Variants in ZNF608 observed in about 807,000 individuals in gnomAD.
ZNF608 encodes renal carcinoma antigen NY-REN-36.
A neutral mutation model predicts 109.0 loss-of-function variants in ZNF608; 12 were observed. The observed-to-expected ratio is 0.11, with a 90% CI of 0.07 to 0.18. The LOEUF (loss-of-function observed/expected upper bound fraction) is 0.18, where lower values mean the gene tolerates loss of function less well. Among genes scored for constraint, ZNF608 ranks in the 10% least tolerant of loss-of-function variants. The probability of loss-of-function intolerance (pLI) is 1.00; values close to 1 mark genes in which losing one functional copy is unlikely to be tolerated. For synonymous variants in ZNF608, 732 were observed against 717.4 expected (o/e 1.02, Z -0.33); for missense variants, 1,707 against 1,879.3 (o/e 0.91, Z 1.70).
chr5:124,648,780 T>C lies in ZNF608; in HGVS notation c.1604A>G (p.Gln535Arg), dbSNP rs1231448562. Residue 535 changes from glutamine (Q) to arginine (R), a missense_variant, in exon 5 of 10, where the codon CAA (glutamine) becomes CGA (arginine). This residue lies in a region of ZNF608 where 166 missense variants were observed against 204.2 expected (regional missense o/e 0.81). Coordinates refer to ENST00000513986, the MANE Select transcript of ZNF608 (RefSeq NM_020747.3). ...CAAAAAAGTAGTCTCTGGTTTCCCTTGAGGGGTAGTGGGAGTGCTTCTGGA... is the reference window on the plus strand; with the variant it reads ...CAAAAAAGTAGTCTCTGGTTTCCCTCGAGGGGTAGTGGGAGTGCTTCTGGA... Reference protein sequence around the residue: ...TNSRSTPTTPQGKPETTFLDQ... With the variant: ...TNSRSTPTTPRGKPETTFLDQ... 2 of 1,614,098 alleles carry C rather than the reference T, an allele frequency of 1.2e-6. No homozygotes were observed. The highest frequency in any genetic ancestry group is 1.7e-6 in the Non-Finnish European group (2 of 1,180,046).
chr5:124,670,404 G>A (rs550209536), intron 3 of ZNF608, among the ~76,000 whole-genome samples: 33 of 150,524 alleles, frequency 2.2e-4, no homozygotes, highest in African/African-American at 6.9e-4. Context: ...AAATATGAAC[G>A]TCTTGATATG....
chr5:124,692,218 G>A (rs968832432), intron 3 of ZNF608, among the ~76,000 whole-genome samples: 1 of 152,176 alleles, frequency 6.6e-6, no homozygotes, highest in African/African-American at 2.4e-5. Context: ...CAGTGACAAA[G>A]TAGATTTCTC....
At chr5:124,726,662 TAAAA>T (rs142658513) in intron 2 of ZNF608, among the ~76,000 whole-genome samples, 20,038 of 135,518 alleles carry the variant, frequency 0.15, 1,547 homozygotes, top group South Asian at 0.24. Context: ...AAGATTTGTT[TAAAA>T]AAAAAAAAAA....
At chr5:124,667,621 A>C (rs12519049) in intron 3 of ZNF608, among the ~76,000 whole-genome samples, 5,337 of 152,164 alleles carry the variant, frequency 0.035, 164 homozygotes, top group South Asian at 0.12. Flanking sequence ...AACAAATATT[A>C]TAACACTGGG....
rs1039929628 is a variant in ZNF608, at chr5:124,741,424, C to A, written c.906+2660G>T. 2.9e-4 allele frequency among the ~76,000 whole-genome samples: 40 copies of A among 139,470 alleles called. No homozygotes were observed. In the South Asian group the frequency reaches 5.6e-3, roughly 20 times the overall value. The allele number at this position is 139,470 out of a possible 152,430, so 91.5% of individuals were successfully genotyped here. On this transcript the variant is annotated intron_variant, in intron 2 of 9. Transcript: ENST00000513986. ...AAAAAAAAAAAAAAAAAAAAATGCA[C>A]ACACACATACACTCCCCCCTTTGGT...
intron 7 of ZNF608, among the ~76,000 whole-genome samples, chr5:124,641,608 C>T (rs997364744): frequency 3.9e-5 from 6 of 152,122 alleles, no homozygotes; most frequent in African/African-American, 1.2e-4. Context: ...AGAACTACTC[C>T]ACCCAAAGTA....
chr5:124,696,704 GC>G (rs1752862280), intron 3 of ZNF608, among the ~76,000 whole-genome samples: 1 of 152,166 alleles, frequency 6.6e-6, no homozygotes, highest in Admixed American at 6.5e-5. Flanking sequence ...AAACAACCCT[GC>G]TCACCTGCCA....
chr5:124,746,535 A>G lies in ZNF608; in HGVS notation c.-524T>C. On this transcript the variant is annotated 5_prime_UTR_variant, in exon 1 of 10. Coordinates refer to ENST00000513986, the MANE Select transcript of ZNF608 (RefSeq NM_020747.3). Reference sequence around the variant, plus strand: ...TTTTTAAAAAACAGAGAGTTTAGAGAAAAAAGTTTTCCCAACTTCTCATTC... The same window carrying G: ...TTTTTAAAAAACAGAGAGTTTAGAGGAAAAAGTTTTCCCAACTTCTCATTC... The G allele has an allele frequency of 1.0e-6, 1 of 985,412 alleles. No individual in the cohort carries two copies. Among genetic ancestry groups the G allele is most frequent in the Non-Finnish European group, 1.2e-6 (1 of 829,930 alleles). The allele number at this position is 985,412 out of a possible 1,614,324, so 61.0% of individuals were successfully genotyped here.
Position 124,746,487 on chromosome 5 carries a change from TAAC to T in ZNF608, c.-479_-477del, listed in dbSNP as rs1290148578. 1.0e-6 allele frequency: 1 copy of T among 985,286 alleles called. No homozygotes were observed. Among genetic ancestry groups the T allele is most frequent in the African/African-American group, 1.7e-5 (1 of 57,232 alleles). The allele number at this position is 985,286 out of a possible 1,614,324, so 61.0% of individuals were successfully genotyped here. A position where few individuals can be genotyped will look rare whatever the true frequency, so the allele number is the denominator to read the frequency against. Reference sequence around the variant, plus strand: ...AGCACCAAAGGTTTTTTTTTCCTCTTAACAAGCATCGAGAATAATAGTTTTTTA... The same window carrying T: ...AGCACCAAAGGTTTTTTTTTCCTCTTAAGCATCGAGAATAATAGTTTTTTA... On this transcript the variant is annotated 5_prime_UTR_variant, in exon 1 of 10. Coordinates refer to ENST00000513986, the MANE Select transcript of ZNF608 (RefSeq NM_020747.3).
In ZNF608 at chr5:124,688,446, T is replaced by A. The variant is rs372449148; in HGVS notation, c.1162+12568A>T. 3.9e-5 allele frequency among the ~76,000 whole-genome samples: 6 copies of A among 152,298 alleles called. No homozygotes were observed. The East Asian group carries it at 5.8e-4, about 15-fold the overall frequency. ...GAACATTGAGAGCTATACATTTGAC[T>A]TACAACTTCATCCCTTTGTCATCAA... On this transcript the variant is annotated intron_variant, in intron 3 of 9. Coordinates refer to ENST00000513986, the MANE Select transcript of ZNF608 (RefSeq NM_020747.3).
chr5:124,690,416 A>T (rs1205552791), intron 3 of ZNF608, among the ~76,000 whole-genome samples: 1 of 152,224 alleles, frequency 6.6e-6, no homozygotes, highest in African/African-American at 2.4e-5. Flanking sequence ...ATTGTAACAC[A>T]TGTACCACTC....
At chr5:124,652,129 T>G (rs1428864725) in intron 3 of ZNF608, among the ~76,000 whole-genome samples, 1 of 152,196 alleles carries the variant, frequency 6.6e-6, no homozygotes, top group African/African-American at 2.4e-5. Flanking sequence ...TAATCACTGG[T>G]TATCTGGGGC....
At chr5:124,651,576 G>A (rs944444833) in intron 3 of ZNF608, among the ~76,000 whole-genome samples, 6 of 152,194 alleles carry the variant, frequency 3.9e-5, no homozygotes, top group Admixed American at 3.9e-4. Context: ...TTGCTTGAAA[G>A]GAAACATGAA....
intron 2 of ZNF608, among the ~76,000 whole-genome samples, chr5:124,703,192 T>G (rs907163257): frequency 2.0e-5 from 3 of 152,074 alleles, no homozygotes; most frequent in Middle Eastern, 3.4e-3. Context: ...AAATAGAACA[T>G]TATTCTGAAA....
intron 3 of ZNF608, among the ~76,000 whole-genome samples, chr5:124,676,090 A>G (rs940711086): frequency 6.6e-6 from 1 of 152,202 alleles, no homozygotes; most frequent in African/African-American, 2.4e-5. Flanking sequence ...CTGTCTCAGA[A>G]GTCATACTTG....
At chr5:124,674,571 G>A (rs1267891486) in intron 3 of ZNF608, among the ~76,000 whole-genome samples, 1 of 152,180 alleles carries the variant, frequency 6.6e-6, no homozygotes, top group East Asian at 1.9e-4. Context: ...CATTAGGGCT[G>A]AGCCAATGCA....
intron 2 of ZNF608, among the ~76,000 whole-genome samples, chr5:124,741,720 T>C (rs1380296308): frequency 3.3e-5 from 5 of 152,150 alleles, no homozygotes; most frequent in Admixed American, 2.6e-4. Flanking sequence ...CACTAGTTAG[T>C]GGAATTAGAG....
chr5:124,682,893 A>T (rs1277019629), intron 3 of ZNF608, among the ~76,000 whole-genome samples: 2 of 152,052 alleles, frequency 1.3e-5, no homozygotes, highest in Non-Finnish European at 2.9e-5. Flanking sequence ...TGGCATTCAC[A>T]CTCTTGTGTG....
At position 124,651,852 on chromosome 5, in the gene ZNF608, C is replaced by T. The variant is rs182919774; in HGVS notation, c.1163-2155G>A. Among the ~76,000 whole-genome samples, 529 of 152,360 alleles carry T rather than the reference C, an allele frequency of 3.5e-3. 2 individuals carry two copies. Among genetic ancestry groups the T allele is most frequent in the Non-Finnish European group, 5.9e-3 (400 of 68,038 alleles). ...TGGCGGAGGCAAAGGGACGCATCCC[C>T]CACGGCGCGCTGGCCGTGCGGGGCT... On this transcript the variant is annotated intron_variant, in intron 3 of 9. Coordinates refer to ENST00000513986, the MANE Select transcript of ZNF608 (RefSeq NM_020747.3).
Sources: allele counts gnomAD v4.1 joint callset (sites outside exome capture counted in the v4.1 genomes callset), GRCh38; gene constraint gnomAD v4.1.1; regional missense constraint gnomAD v4.1.1; transcripts MANE v1.5; gene names NCBI Gene and HGNC (gene_info 2026-07-23, HGNC 2026-07-21).